The following TSEN15 variants were observed in gnomAD, a reference collection of about 807,000 sequenced individuals.
The protein encoded by TSEN15 is tRNA splicing endonuclease subunit 15.
In TSEN15, 10 loss-of-function variants were observed where a neutral mutation model predicts 20.5. The observed-to-expected ratio is 0.49, with a 90% confidence interval of 0.30 to 0.83. TSEN15 has a LOEUF of 0.83. Ranked by LOEUF, TSEN15 falls within the 40% of genes least tolerant of loss-of-function variation. The pLI is 0.06. For synonymous variants in TSEN15, 72 were observed against 80.1 expected, an observed-to-expected ratio of 0.90 and a Z score of 0.54; for missense variants, 180 against 218.6, an observed-to-expected ratio of 0.82 and a Z score of 1.11.
intron 3 of TSEN15, chr1:184,070,935 T>A (rs544594995): frequency 5.5e-6 from 1 of 181,642 alleles, no homozygotes; most frequent in South Asian, 1.2e-4. Context: ...AATGGCACAG[T>A]GTACCTTAGT....
chr1:184,059,876 C>G (rs956525527), intron 3 of TSEN15, among the ~76,000 whole-genome samples: 1 of 152,186 alleles, frequency 6.6e-6, no homozygotes. Context: ...TGGCCTATCC[C>G]TTCATCTCTA....
At chr1:184,052,807 G>T (rs1444043612) in intron 1 of TSEN15, among the ~76,000 whole-genome samples, 3 of 152,168 alleles carry the variant, frequency 2.0e-5, no homozygotes, top group Admixed American at 2.0e-4. Context: ...GGAAACAATA[G>T]CATGGAGAGG....
downstream of TSEN15, chr1:184,074,250 A>G (rs185724187): frequency 1.3e-5 from 2 of 152,208 alleles, no homozygotes; most frequent in Admixed American, 6.5e-5. Flanking sequence ...TATCATTGCA[A>G]AATAATATTA....
intron 1 of TSEN15, among the ~76,000 whole-genome samples, chr1:184,052,469 C>T (rs888262201): frequency 6.6e-6 from 1 of 152,048 alleles, no homozygotes; most frequent in African/African-American, 2.4e-5. Context: ...TCAAGATAGT[C>T]CTCTGCTTAC....
chr1:184,094,044 C>G (rs1412324253), intron 3 of TSEN15: 1 of 152,082 alleles, frequency 6.6e-6, no homozygotes, highest in East Asian at 1.9e-4. Flanking sequence ...CATCTGGTTT[C>G]CAGAGATTTG....
intron 3 of TSEN15, among the ~76,000 whole-genome samples, chr1:184,080,730 G>A (rs954067404): frequency 3.3e-5 from 5 of 152,154 alleles, no homozygotes; most frequent in Non-Finnish European, 7.4e-5. Flanking sequence ...GAAGAACTCA[G>A]AAAGTTTCTC....
chr1:184,074,576 G>C (rs1651021111), downstream of TSEN15, among the ~76,000 whole-genome samples: 2 of 152,136 alleles, frequency 1.3e-5, no homozygotes, highest in Non-Finnish European at 2.9e-5. Context: ...GTCTCAGCAA[G>C]ATGGACCTTA....
At chr1:184,089,875 G>T (rs147434427) in intron 3 of TSEN15, among the ~76,000 whole-genome samples, 6 of 152,098 alleles carry the variant, frequency 3.9e-5, no homozygotes, top group African/African-American at 1.4e-4. Context: ...TCCCCATCAT[G>T]CTCCCCAGTC....
At chr1:184,093,243 G>A (rs1277231711) in intron 3 of TSEN15, among the ~76,000 whole-genome samples, 3 of 152,100 alleles carry the variant, frequency 2.0e-5, no homozygotes, top group African/African-American at 7.2e-5. Context: ...TTAAAGTCAC[G>A]AGGCCCAGGT....
intron 3 of TSEN15, among the ~76,000 whole-genome samples, chr1:184,088,639 G>A (rs544857659): frequency 2.5e-5 from 3 of 121,074 alleles, no homozygotes; most frequent in South Asian, 2.6e-4. Flanking sequence ...GGCTGCTCTC[G>A]AACTGAATGA....
At chr1:184,063,844 T>C (rs748464523) in intron 3 of TSEN15, among the ~76,000 whole-genome samples, 6 of 152,086 alleles carry the variant, frequency 3.9e-5, no homozygotes, top group Non-Finnish European at 8.8e-5. Context: ...CCGAGATGTG[T>C]AGGGAAAATT....
chr1:184,079,220 T>A (rs756475786), intron 3 of TSEN15, among the ~76,000 whole-genome samples: 55 of 152,292 alleles, frequency 3.6e-4, no homozygotes, highest in Non-Finnish European at 6.6e-4. Flanking sequence ...TATTATAATG[T>A]TTAAATGATT....
At chr1:184,090,648 G>T (rs1321694414) in intron 3 of TSEN15, among the ~76,000 whole-genome samples, 1 of 152,180 alleles carries the variant, frequency 6.6e-6, no homozygotes, top group Non-Finnish European at 1.5e-5. Context: ...CTTAGGATGT[G>T]CCCAGCCAAA....
At position 184,074,048 on chromosome 1, in the gene TSEN15, G is replaced by A. The variant is rs1651004229; in HGVS notation, c.*1201G>A. The A allele has an allele frequency of 6.6e-6, 1 of 152,118 alleles. No homozygotes were observed. Among genetic ancestry groups the A allele is most frequent in the Non-Finnish European group, 1.5e-5 (1 of 68,014 alleles). The allele number at this position is 152,118 out of a possible 1,614,324, so 9.4% of individuals were successfully genotyped here. ...GCAAGACGGAAAAGTGTATAAGTGG[G>A]TGTAATCATGGCTGAAATAACAGAC... On this transcript the variant is annotated 3_prime_UTR_variant, in exon 5 of 5. Coordinates refer to ENST00000645668, the MANE Select transcript of TSEN15 (RefSeq NM_052965.4).
At chr1:184,065,734 T>C (rs1290744023) in intron 3 of TSEN15, among the ~76,000 whole-genome samples, 1 of 152,240 alleles carries the variant, frequency 6.6e-6, no homozygotes. Context: ...TTTTAACTTC[T>C]TGCAATTTCC....
At chr1:184,096,933 A>C (rs1651465658) in exon 4 of TSEN15, 1 of 152,236 alleles carries the variant, frequency 6.6e-6, no homozygotes, top group Non-Finnish European at 1.5e-5. Flanking sequence ...GGGTGGGGAC[A>C]CAGCCAAACC....
exon 4 of TSEN15, chr1:184,096,057 TAACA>T (rs1572725490): frequency 7.6e-6 from 2 of 264,252 alleles, no homozygotes; most frequent in East Asian, 6.5e-5. Flanking sequence ...GAAACTCCAG[TAACA>T]AACAGTCTGC....
chr1:184,080,801 TCATTGCACCTCAATGAAGAAGAC>T (rs1247331921), intron 3 of TSEN15, among the ~76,000 whole-genome samples: 1 of 152,122 alleles, frequency 6.6e-6, no homozygotes, highest in African/African-American at 2.4e-5. Context: ...TTATAAATGA[TCATTGCACCTCAATGAAGAAGAC>T]CATTGCACCT....
At chr1:184,096,594 T>G (rs1651456180) in exon 4 of TSEN15, 3 of 152,582 alleles carry the variant, frequency 2.0e-5, no homozygotes, top group African/African-American at 7.2e-5. Context: ...TCTGGTTTCA[T>G]AACTGTATTA....
Sources: gnomAD v4.1 joint callset for allele counts (sites outside exome capture counted in the v4.1 genomes callset) on GRCh38, gnomAD v4.1.1 for gene constraint, MANE v1.5 for transcripts, NCBI Gene and HGNC (gene_info 2026-07-23, HGNC 2026-07-21) for gene names.